Variants in PLEKHA6 observed in about 807,000 individuals in gnomAD.
PLEKHA6 encodes the protein pleckstrin homology domain containing A6, also known as pleckstrin homology domain-containing family A member 6.
In PLEKHA6, 60 loss-of-function variants were observed where a neutral mutation model predicts 116.7. The observed-to-expected ratio is 0.51, with a 90% CI of 0.42 to 0.64. The LOEUF (loss-of-function observed/expected upper bound fraction) is 0.64. Among genes scored for constraint, PLEKHA6 ranks in the 30% least tolerant of loss-of-function variants. PLEKHA6 has a pLI of 0.00. For missense variants in PLEKHA6, 1,338 were observed against 1,422.7 expected (o/e 0.94, Z 0.96); for synonymous variants, 489 against 556.1 (o/e 0.88, Z 1.70).
chr1:204,301,550 A>G (rs1465601607), intron 1 of PLEKHA6: 1 of 804,660 alleles, frequency 1.2e-6, no homozygotes, highest in East Asian at 1.3e-4. Context: ...CCACCACCCC[A>G]TGGCTTCATC....
In PLEKHA6 at chr1:204,228,980, ATTTTGCG is replaced by A; in HGVS notation, c.2701_2707del (p.Arg901TrpfsTer3). 6.2e-7 allele frequency: 1 copy of A among 1,614,076 alleles called. No individual in the cohort carries two copies. Among genetic ancestry groups the A allele is most frequent in the Non-Finnish European group, 8.5e-7 (1 of 1,180,014 alleles). ...GTCATAATGCTGGGGCTCTAGCTCC[ATTTTGCG>A]AAGCCGGGCAATTTCCTCCCGGGGT... On this transcript the variant is annotated frameshift_variant, in exon 19 of 23. Coordinates refer to ENST00000272203, the MANE Select transcript of PLEKHA6 (RefSeq NM_014935.5). LOFTEE classifies it high-confidence loss of function. This position sits in a 1 kb window ranked among gnomAD's most constrained non-coding sequence, Gnocchi z 4.0.
At chr1:204,264,857 G>A in intron 6 of PLEKHA6, 85 bp downstream of exon 6, 1 of 989,254 alleles carries the variant, frequency 1.0e-6, no homozygotes, top group Non-Finnish European at 1.6e-6. Flanking sequence ...TAGAGCGATG[G>A]CTCTTGGCCC....
At chr1:204,256,912 G>A in intron 9 of PLEKHA6, 1 of 617,404 alleles carries the variant, frequency 1.6e-6, no homozygotes, top group Non-Finnish European at 2.9e-6. Context: ...GGATCGCAGA[G>A]GTGAGGGGTC....
rs143325548 is a variant in PLEKHA6, at chr1:204,298,562, C to T, written c.-94-23753G>A. 2.2e-4 allele frequency among the ~76,000 whole-genome samples: 33 copies of T among 152,266 alleles called. No individual in the cohort carries two copies. The East Asian group carries it at 3.9e-3, about 18-fold the overall frequency. On this transcript the variant is annotated intron_variant, in intron 1 of 22. Transcript: ENST00000272203. ...ACCCTGCTCCTTGCTAGGCCTTGCC[C>T]GTCCTCATGCCAGGCAGGAGAAGAG...
chr1:204,241,671 G>T lies in PLEKHA6; in HGVS notation c.2302+14C>A, dbSNP rs528545671. 6.4e-7 allele frequency: 1 copy of T among 1,567,098 alleles called. No homozygotes were observed. Among genetic ancestry groups the T allele is most frequent in the Non-Finnish European group, 8.6e-7 (1 of 1,159,024 alleles). On this transcript the variant is annotated intron_variant, in intron 16 of 22. Transcript: ENST00000272203. ...CCTTGCCTTACTTCTAGGGGAAGAT[G>T]GGACAGAAAGTACCTTTGTTGAGAG...
intron 21 of PLEKHA6, among the ~76,000 whole-genome samples, chr1:204,225,656 T>C (rs1435858128): frequency 6.6e-6 from 1 of 152,236 alleles, no homozygotes; most frequent in Non-Finnish European, 1.5e-5. Context: ...CACCAATGTA[T>C]TGTACACTCA....
chr1:204,345,059 T>C (rs1672985556), intron 1 of PLEKHA6, among the ~76,000 whole-genome samples: 1 of 152,210 alleles, frequency 6.6e-6, no homozygotes, highest in Admixed American at 6.5e-5. Context: ...GAGATACACA[T>C]TTATCGGCGA....
At chr1:204,233,342 A>ATTT (rs143142208) in intron 17 of PLEKHA6, among the ~76,000 whole-genome samples, 54,473 of 132,656 alleles carry the variant, frequency 0.41, 11,559 homozygotes, top group East Asian at 0.48. Flanking sequence ...CACCTGGCTA[A>ATTT]TTTTTTTTTT....
intron 1 of PLEKHA6, chr1:204,308,014 G>C (rs1368732015): frequency 6.9e-6 from 3 of 437,312 alleles, no homozygotes; most frequent in Non-Finnish European, 9.1e-6. Context: ...TATATAAATG[G>C]CTAAATTTGT....
At chr1:204,343,953 G>T (rs1313478634) in intron 1 of PLEKHA6, among the ~76,000 whole-genome samples, 1 of 152,102 alleles carries the variant, frequency 6.6e-6, no homozygotes, top group Non-Finnish European at 1.5e-5. Context: ...CCCTGATTTT[G>T]GTGTGTGTGA....
intron 1 of PLEKHA6, among the ~76,000 whole-genome samples, chr1:204,305,883 T>G (rs1671250771): frequency 6.6e-6 from 1 of 152,232 alleles, no homozygotes; most frequent in Non-Finnish European, 1.5e-5. Flanking sequence ...AGGCTTAAAA[T>G]GTATTTTTGT....
At chr1:204,225,311 A>G (rs182563201) in intron 21 of PLEKHA6, among the ~76,000 whole-genome samples, 1 of 152,378 alleles carries the variant, frequency 6.6e-6, no homozygotes, top group African/African-American at 2.4e-5. Flanking sequence ...TCATATGTAA[A>G]CAGAACTTTG....
intron 1 of PLEKHA6, chr1:204,301,292 G>A: frequency 1.0e-6 from 1 of 966,276 alleles, no homozygotes; most frequent in East Asian, 1.1e-4. Context: ...CTCATCACCA[G>A]TCTGGAGAGT....
chr1:204,250,122 C>T (rs1664327050), intron 10 of PLEKHA6, among the ~76,000 whole-genome samples: 1 of 152,198 alleles, frequency 6.6e-6, no homozygotes, highest in Admixed American at 6.5e-5. Context: ...CCTGAAGCTC[C>T]CTGAAGCCAG....
chr1:204,280,278 T>C (rs142986102), intron 1 of PLEKHA6: 4 of 984,450 alleles, frequency 4.1e-6, no homozygotes, highest in East Asian at 1.1e-4. Flanking sequence ...ACGTGCAGTA[T>C]ACCTGGCACT....
rs1009007172 is a variant in PLEKHA6 at position 204,220,973 on chromosome 1, T to A, written c.*1815A>T. ...CTGTTTCCTGTGGAGGGAGAAAGGC[T>A]TGGGAGAAAGAGAGAGAGAGGAAAT... On this transcript the variant is annotated 3_prime_UTR_variant, in exon 23 of 23. Transcript: ENST00000272203. 6.7e-6 allele frequency: 1 copy of A among 150,062 alleles called. No individual in the cohort carries two copies. The highest frequency in any genetic ancestry group is 2.4e-5 in the African/African-American group (1 of 40,858). 9.3% of individuals were successfully genotyped at this position (150,062 alleles called of 1,614,324 possible). A position where few individuals can be genotyped will look rare whatever the true frequency, so the allele number is the denominator to read the frequency against.
chr1:204,366,530 G>A (rs1673649900), intron 3 of PLEKHA6, among the ~76,000 whole-genome samples: 1 of 152,236 alleles, frequency 6.6e-6, no homozygotes, highest in Non-Finnish European at 1.5e-5. Flanking sequence ...GGAGGCCAAG[G>A]TGGATGGATC....
chr1:204,269,679 A>G (rs929805681), intron 3 of PLEKHA6, among the ~76,000 whole-genome samples: 1 of 152,078 alleles, frequency 6.6e-6, no homozygotes, highest in African/African-American at 2.4e-5. Context: ...CTAGAAAATG[A>G]CTGTCCTTAC....
chr1:204,326,004 C>T (rs2103247772), intron 1 of PLEKHA6: 2 of 579,854 alleles, frequency 3.4e-6, no homozygotes, highest in Non-Finnish European at 4.4e-6. Context: ...CCTCACCCTG[C>T]CCAGCCGTCT....
Sources: gnomAD v4.1 joint callset for allele counts (sites outside exome capture counted in the v4.1 genomes callset) on GRCh38, gnomAD v4.1.1 for gene constraint, Gnocchi (gnomAD v3.1) non-coding constraint, MANE v1.5 for transcripts, NCBI Gene and HGNC (gene_info 2026-07-23, HGNC 2026-07-21) for gene names.